Variants in LRP1B observed in about 807,000 individuals in gnomAD.
LRP1B encodes LDL receptor related protein 1B.
Under a neutral mutation model 556.6 loss-of-function variants are expected in LRP1B, and 217 were observed. The observed-to-expected ratio is 0.39, with a 90% CI of 0.35 to 0.44. The LOEUF is 0.44. LRP1B is among the 20% of genes least tolerant of loss of function. The pLI, the probability that LRP1B is intolerant of heterozygous loss-of-function variation, is 1.00. For missense variants in LRP1B, 5,053 were observed against 5,620.8 expected (o/e 0.90, Z 3.23); for synonymous variants, 2,047 against 1,865.8 (o/e 1.10, Z -2.50).
At position 141,005,376 on chromosome 2, in the gene LRP1B, G is replaced by A. The variant is rs1286203360; in HGVS notation, c.2462C>T (p.Ala821Val). The stretch of plus-strand genomic sequence containing the variant: ...ATTTTCATCCAAAAGTTGATTATCG[G>A]CACAAGCACACACCCGGCCTCCTGG... Reference protein sequence around the residue: ...AIPGGRVCACADNQLLDENGT... With the variant: ...AIPGGRVCACVDNQLLDENGT... Residue 821 changes from alanine to valine, a missense_variant, in exon 15 of 91, where the codon GCC (alanine) becomes GTC (valine). Ala to Val is a moderately conservative substitution (Grantham distance 64). Coordinates refer to ENST00000389484, the MANE Select transcript of LRP1B (RefSeq NM_018557.3). 1.9e-6 allele frequency: 3 copies of A among 1,610,582 alleles called. No homozygotes were observed. In the South Asian group the frequency reaches 3.3e-5, roughly 18 times the overall value.
intron 35 of LRP1B, among the ~76,000 whole-genome samples, chr2:140,748,252 T>C (rs1688396383): frequency 7.8e-6 from 1 of 127,702 alleles, no homozygotes; most frequent in African/African-American, 2.9e-5. Flanking sequence ...TATATTCATA[T>C]ATGTATATAT....
At chr2:142,065,991 T>C (rs1055626713) in intron 1 of LRP1B, among the ~76,000 whole-genome samples, 2 of 151,314 alleles carry the variant, frequency 1.3e-5, no homozygotes, top group African/African-American at 2.4e-5. Flanking sequence ...CAAAGTATAA[T>C]GGTGGTACAG....
intron 1 of LRP1B, among the ~76,000 whole-genome samples, chr2:141,829,903 G>T (rs1442608939): frequency 6.6e-6 from 1 of 151,878 alleles, no homozygotes; most frequent in African/African-American, 2.4e-5. Context: ...TAGCTTCAAA[G>T]ATTTAGAATA....
At chr2:141,462,089 T>A (rs577768375) in intron 3 of LRP1B, among the ~76,000 whole-genome samples, 1 of 152,202 alleles carries the variant, frequency 6.6e-6, no homozygotes, top group African/African-American at 2.4e-5. Context: ...AAAGTTGGTA[T>A]AAATCAATTT....
At chr2:140,882,606 C>T (rs2105184243) in intron 25 of LRP1B, among the ~76,000 whole-genome samples, 1 of 152,210 alleles carries the variant, frequency 6.6e-6, no homozygotes, top group African/African-American at 2.4e-5. Flanking sequence ...TGAGGGTGGC[C>T]AATTTGGAAT....
At chr2:140,952,725 A>C (rs150356599) in intron 18 of LRP1B, among the ~76,000 whole-genome samples, 193 of 152,226 alleles carry the variant, frequency 1.3e-3, no homozygotes, top group African/African-American at 4.5e-3. Context: ...TGTCATAATA[A>C]AATCTGATAA....
At chr2:140,447,542 A>G (rs928129382) in intron 63 of LRP1B, among the ~76,000 whole-genome samples, 5 of 152,194 alleles carry the variant, frequency 3.3e-5, no homozygotes, top group Non-Finnish European at 7.4e-5. Context: ...GCTTTGGCTT[A>G]AGGAACTGTT....
intron 2 of LRP1B, among the ~76,000 whole-genome samples, chr2:141,566,668 C>T (rs1686342564): frequency 6.6e-6 from 1 of 152,124 alleles, no homozygotes; most frequent in South Asian, 2.1e-4. Context: ...AATACCACAT[C>T]CCCTTTCTCA....
intron 87 of LRP1B, among the ~76,000 whole-genome samples, chr2:140,244,329 T>C (rs535692904): frequency 6.6e-6 from 1 of 151,412 alleles, no homozygotes; most frequent in Admixed American, 6.6e-5. Context: ...CCCTAACAGA[T>C]ATCTTGCCCC....
chr2:140,567,072 G>A (rs1379590453), intron 43 of LRP1B, among the ~76,000 whole-genome samples: 1 of 152,006 alleles, frequency 6.6e-6, no homozygotes, highest in Admixed American at 6.6e-5. Context: ...ACATTCCATG[G>A]AAACAAAAAT....
intron 7 of LRP1B, among the ~76,000 whole-genome samples, chr2:141,132,280 G>A (rs186421269): frequency 4.6e-5 from 7 of 152,092 alleles, no homozygotes; most frequent in African/African-American, 1.7e-4. Flanking sequence ...GCTTGGTCTT[G>A]TTCTTGCCAT....
intron 1 of LRP1B, among the ~76,000 whole-genome samples, chr2:141,887,483 C>T (rs1203447106): frequency 6.6e-6 from 1 of 152,122 alleles, no homozygotes; most frequent in East Asian, 1.9e-4. Context: ...GCTCTCAGTG[C>T]ATAATCATTG....
At chr2:141,465,941 T>A (rs1682177213) in intron 3 of LRP1B, among the ~76,000 whole-genome samples, 1 of 151,922 alleles carries the variant, frequency 6.6e-6, no homozygotes, top group African/African-American at 2.4e-5. Flanking sequence ...CAGGCTGGAG[T>A]GCAATGGCAC....
chr2:141,188,241 A>G (rs754808902), intron 7 of LRP1B, among the ~76,000 whole-genome samples, 180 bp downstream of exon 7: 5 of 152,016 alleles, frequency 3.3e-5, no homozygotes, highest in Non-Finnish European at 7.4e-5. Context: ...CTAATAACTC[A>G]CCAGCTTCTG....
intron 3 of LRP1B, among the ~76,000 whole-genome samples, chr2:141,471,550 A>AC (rs1682474331): frequency 6.6e-6 from 1 of 152,002 alleles, no homozygotes; most frequent in Non-Finnish European, 1.5e-5. Context: ...TCATTTGCCT[A>AC]CCCAATGCTT....
At chr2:140,283,542 T>C (rs1352618934) in intron 84 of LRP1B, among the ~76,000 whole-genome samples, 1 of 113,642 alleles carries the variant, frequency 8.8e-6, no homozygotes, top group East Asian at 2.6e-4. Flanking sequence ...AATTAAAGAA[T>C]AAAATCATCT....
chr2:141,340,858 AC>A (rs2105515485), intron 3 of LRP1B, among the ~76,000 whole-genome samples: 1 of 152,302 alleles, frequency 6.6e-6, no homozygotes, highest in Admixed American at 6.5e-5. Context: ...AAACAGAACA[AC>A]AAAAAACAAT....
intron 2 of LRP1B, among the ~76,000 whole-genome samples, chr2:141,607,447 A>C (rs1300507155): frequency 6.6e-6 from 1 of 152,126 alleles, no homozygotes; most frequent in African/African-American, 2.4e-5. Flanking sequence ...GTAGTCATGC[A>C]CTATCTCTAG....
At chr2:141,847,251 A>AATCGAAC (rs1157155684) in intron 1 of LRP1B, among the ~76,000 whole-genome samples, 2 of 151,608 alleles carry the variant, frequency 1.3e-5, no homozygotes, top group Non-Finnish European at 3.0e-5. Flanking sequence ...TCTAGGAATT[A>AATCGAAC]ATCGAACAAT....
Sources: allele counts gnomAD v4.1 joint callset (sites outside exome capture counted in the v4.1 genomes callset), GRCh38; gene constraint gnomAD v4.1.1; transcripts MANE v1.5; gene names NCBI Gene and HGNC (gene_info 2026-07-23, HGNC 2026-07-21).